The following SGCZ variants were observed in gnomAD, a reference collection of about 807,000 sequenced individuals.
The protein encoded by SGCZ is zeta-sarcoglycan.
In SGCZ, 40 loss-of-function variants were observed where a neutral mutation model predicts 41.3. The ratio of observed to expected loss-of-function variants is 0.97; its 90% confidence interval spans 0.75 to 1.26. SGCZ has a LOEUF of 1.26. Among genes scored for constraint, SGCZ ranks in the 50% most tolerant of loss-of-function variants. SGCZ has a pLI of 0.00. For synonymous variants in SGCZ, 206 were observed against 137.5 expected, an observed-to-expected ratio of 1.50 and a Z score of -3.49; for missense variants, 552 against 369.8, an observed-to-expected ratio of 1.49 and a Z score of -4.04.
intron 4 of SGCZ, among the ~76,000 whole-genome samples, chr8:14,217,010 G>A (rs1806016678): frequency 6.6e-6 from 1 of 152,158 alleles, no homozygotes; most frequent in African/African-American, 2.4e-5. Flanking sequence ...TATAGAGGAT[G>A]GGCACGGTGG....
At chr8:15,097,766 TTA>T (rs71211003) in intron 1 of SGCZ, among the ~76,000 whole-genome samples, 4 of 129,336 alleles carry the variant, frequency 3.1e-5, no homozygotes, top group South Asian at 4.6e-4. Flanking sequence ...ATATATGTGT[TTA>T]TATATATATA....
chr8:14,682,634 C>G (rs961662869), intron 1 of SGCZ, among the ~76,000 whole-genome samples: 1 of 152,128 alleles, frequency 6.6e-6, no homozygotes, highest in Non-Finnish European at 1.5e-5. Flanking sequence ...CGGGATTTCA[C>G]TGTGTTAGCC....
chr8:14,756,572 A>C (rs1442873583), intron 1 of SGCZ, among the ~76,000 whole-genome samples: 3 of 152,176 alleles, frequency 2.0e-5, no homozygotes, highest in Admixed American at 2.0e-4. Flanking sequence ...CATCATTATG[A>C]GTTTGCATTT....
intron 5 of SGCZ, among the ~76,000 whole-genome samples, chr8:14,138,803 A>T (rs1585169886): frequency 1.3e-5 from 2 of 152,318 alleles, no homozygotes; most frequent in South Asian, 4.1e-4. Flanking sequence ...GTTAACAAGG[A>T]TATCCCGGAC....
At chr8:14,121,866 T>C (rs1003626436) in intron 5 of SGCZ, among the ~76,000 whole-genome samples, 2 of 152,234 alleles carry the variant, frequency 1.3e-5, no homozygotes, top group Non-Finnish European at 2.9e-5. Flanking sequence ...CAAAAGACTA[T>C]GTAGGTTTTT....
chr8:14,901,312 A>C (rs1457181244), intron 1 of SGCZ, among the ~76,000 whole-genome samples: 1 of 152,182 alleles, frequency 6.6e-6, no homozygotes, highest in Non-Finnish European at 1.5e-5. Flanking sequence ...AGGAACAGAA[A>C]GGCATCTGTC....
chr8:14,375,236 C>G (rs1223967594), intron 2 of SGCZ, among the ~76,000 whole-genome samples: 3 of 152,178 alleles, frequency 2.0e-5, no homozygotes, highest in African/African-American at 7.2e-5. Context: ...GGAGATATAA[C>G]AGTTGTGCAC....
At chr8:14,925,622 C>A (rs1799723860) in intron 1 of SGCZ, among the ~76,000 whole-genome samples, 1 of 152,168 alleles carries the variant, frequency 6.6e-6, no homozygotes, top group Non-Finnish European at 1.5e-5. Context: ...AACCACAATT[C>A]CTTTTGCACC....
intron 1 of SGCZ, among the ~76,000 whole-genome samples, chr8:14,791,885 T>C (rs1268085036): frequency 6.6e-6 from 1 of 152,202 alleles, no homozygotes; most frequent in African/African-American, 2.4e-5. Context: ...ATGATACAGA[T>C]GGGTTACCTA....
At chr8:14,789,256 T>C (rs1800872597) in intron 1 of SGCZ, among the ~76,000 whole-genome samples, 1 of 152,080 alleles carries the variant, frequency 6.6e-6, no homozygotes, top group African/African-American at 2.4e-5. Context: ...CATGAAAAAA[T>C]GTACTTGTTT....
chr8:14,931,270 A>C (rs887661028), intron 1 of SGCZ, among the ~76,000 whole-genome samples: 1 of 152,176 alleles, frequency 6.6e-6, no homozygotes, highest in East Asian at 1.9e-4. Flanking sequence ...ATAGTTTATT[A>C]CCTTCCTGAT....
chr8:15,124,509 G>C (rs368958137), intron 1 of SGCZ, among the ~76,000 whole-genome samples: 18 of 152,250 alleles, frequency 1.2e-4, no homozygotes, highest in Middle Eastern at 3.4e-3. Context: ...GCCATGAACA[G>C]TCATGGCTTA....
At chr8:14,718,216 G>A (rs1055888733) in intron 1 of SGCZ, among the ~76,000 whole-genome samples, 1 of 151,720 alleles carries the variant, frequency 6.6e-6, no homozygotes, top group African/African-American at 2.4e-5. Flanking sequence ...TTAAAAGATG[G>A]TTTTTCTTTT....
At chr8:14,887,349 T>A (rs1270165658) in intron 1 of SGCZ, among the ~76,000 whole-genome samples, 1 of 152,188 alleles carries the variant, frequency 6.6e-6, no homozygotes, top group African/African-American at 2.4e-5. Flanking sequence ...ACTTGATTCA[T>A]ACATATAAAT....
At chr8:14,237,748 G>T in intron 3 of SGCZ, 69 bp from the exon 4 acceptor site, 2 of 1,357,426 alleles carry the variant, frequency 1.5e-6, no homozygotes, top group Non-Finnish European at 2.1e-6. Flanking sequence ...AAAATATACT[G>T]CATTTGTTTG....
intron 3 of SGCZ, among the ~76,000 whole-genome samples, chr8:14,320,143 T>C (rs903198741): frequency 5.3e-5 from 8 of 151,756 alleles, no homozygotes; most frequent in Non-Finnish European, 1.0e-4. Flanking sequence ...TTGGAGTGGT[T>C]TGTGTTTCTT....
rs139025117 is a variant in SGCZ at position 14,481,077 on chromosome 8, C to T, written c.234+73655G>A. 3.3e-3 allele frequency among the ~76,000 whole-genome samples: 496 copies of T among 152,138 alleles called. 4 individuals carry two copies. Among genetic ancestry groups the T allele is most frequent in the African/African-American group, 0.011 (438 of 41,530 alleles). On this transcript the variant is annotated intron_variant, in intron 2 of 7. Coordinates refer to ENST00000382080, the MANE Select transcript of SGCZ (RefSeq NM_139167.4). ...AATATTAATATAATCAACATATAAACAGCAAAGTGTTAATATCCAGAATAT... is the reference window on the plus strand; with the variant it reads ...AATATTAATATAATCAACATATAAATAGCAAAGTGTTAATATCCAGAATAT...
chr8:15,117,687 A>C (rs1432266295), intron 1 of SGCZ, among the ~76,000 whole-genome samples: 1 of 152,226 alleles, frequency 6.6e-6, no homozygotes, highest in African/African-American at 2.4e-5. Context: ...GCTACACAAA[A>C]TTTAAATTAT....
chr8:14,721,980 TC>T (rs1809901198), intron 1 of SGCZ, among the ~76,000 whole-genome samples: 1 of 152,170 alleles, frequency 6.6e-6, no homozygotes, highest in African/African-American at 2.4e-5. Context: ...AAATACCCTC[TC>T]TCAGGTGTTT....
Sources: allele counts gnomAD v4.1 joint callset (sites outside exome capture counted in the v4.1 genomes callset), GRCh38; gene constraint gnomAD v4.1.1; transcripts MANE v1.5; gene names NCBI Gene and HGNC (gene_info 2026-07-23, HGNC 2026-07-21).